TTL: variants seen among roughly 807,000 people sequenced by gnomAD.
TTL encodes the protein tubulin tyrosine ligase.
A neutral mutation model predicts 41.1 loss-of-function variants in TTL; 10 were observed. That is an observed-to-expected ratio of 0.24 (90% CI 0.15 to 0.41). The LOEUF (loss-of-function observed/expected upper bound fraction) is 0.41, where lower values mean the gene tolerates loss of function less well. Ranked by LOEUF, TTL falls within the 10% of genes least tolerant of loss-of-function variation. The pLI is 1.00. For missense variants in TTL, 367 were observed against 460.4 expected (o/e 0.80, Z 1.86); for synonymous variants, 175 against 175.5 (o/e 1.00, Z 0.02).
intron 5 of TTL, among the ~76,000 whole-genome samples, chr2:112,512,517 C>T (rs1559016976): frequency 6.6e-6 from 1 of 152,128 alleles, no homozygotes; most frequent in African/African-American, 2.4e-5. Flanking sequence ...CCACCTCGGC[C>T]TCCCAAAGTG....
chr2:112,494,521 T>C, intron 3 of TTL, 146 bp downstream of exon 3: 1 of 656,356 alleles, frequency 1.5e-6, no homozygotes, highest in Non-Finnish European at 2.6e-6. Context: ...TATGTACTGA[T>C]GCCTTCTAAA....
chr2:112,526,097 T>C (rs1682365739), intron 6 of TTL, among the ~76,000 whole-genome samples: 1 of 152,248 alleles, frequency 6.6e-6, no homozygotes, highest in South Asian at 2.1e-4. Flanking sequence ...TTTATTGATT[T>C]GCATATGTTG....
chr2:112,510,585 C>A (rs1681896175), intron 5 of TTL, among the ~76,000 whole-genome samples: 1 of 151,472 alleles, frequency 6.6e-6, no homozygotes, highest in Non-Finnish European at 1.5e-5. Context: ...GATTCTCCTG[C>A]CTCAGCCTCC....
In TTL at chr2:112,482,653, A is replaced by C; in HGVS notation, c.157+152A>C. 1 of 916,238 alleles carries C rather than the reference A, an allele frequency of 1.1e-6. No homozygotes were observed. Among genetic ancestry groups the C allele is most frequent in the Non-Finnish European group, 1.6e-6 (1 of 643,272 alleles). 56.8% of individuals were successfully genotyped at this position (916,238 alleles called of 1,614,324 possible). A position where few individuals can be genotyped will look rare whatever the true frequency, so the allele number is the denominator to read the frequency against. On this transcript the variant is annotated intron_variant, in intron 1 of 6. Transcript: ENST00000233336. The surrounding 1 kb of genome is among the most constrained non-coding windows in gnomAD (Gnocchi z 5.3). ...ATCAGAAACGGATTCGGAAAGATCG[A>C]AACCTGTCGTTTTTAATGCTTTCTT...
chr2:112,483,870 G>A (rs1348621699), intron 1 of TTL: 4 of 152,236 alleles, frequency 2.6e-5, no homozygotes. Context: ...ACTGTGCCTG[G>A]AGGCTCCCTT....
chr2:112,485,877 G>GGGGCTGACATTGCCATTCCCCACC, intron 1 of TTL, 40 bp from the exon 2 acceptor site: 1 of 1,566,246 alleles, frequency 6.4e-7, no homozygotes, highest in African/African-American at 1.4e-5. Context: ...CCTGCTTGCT[G>GGGGCTGACATTGCCATTCCCCACC]TGTCCTGTGT....
At chr2:112,526,839 G>T (rs1682386440) in intron 6 of TTL, among the ~76,000 whole-genome samples, 2 of 152,082 alleles carry the variant, frequency 1.3e-5, no homozygotes, top group South Asian at 4.2e-4. Flanking sequence ...GCTTTTGAAT[G>T]TGTTTGCTCT....
Position 112,499,214 on chromosome 2 carries a change from C to T in TTL, c.470-1992C>T, listed in dbSNP as rs556250655. 3.3e-5 allele frequency among the ~76,000 whole-genome samples: 5 copies of T among 152,138 alleles called. No homozygotes were observed. In the East Asian group the frequency reaches 9.7e-4, roughly 29 times the overall value. ...CCTGTACTTTCAGCTACTCGGGAGG[C>T]TGAGGCATGAGAATTGCTTGAACCA... On this transcript the variant is annotated intron_variant, in intron 3 of 6. Coordinates refer to ENST00000233336, the MANE Select transcript of TTL (RefSeq NM_153712.5).
Position 112,513,495 on chromosome 2 carries a change from G to A in TTL, c.876-6787G>A, listed in dbSNP as rs538683938. On this transcript the variant is annotated intron_variant, in intron 5 of 6. Coordinates refer to ENST00000233336, the MANE Select transcript of TTL (RefSeq NM_153712.5). ...GTTTTGCTGCTGATAAATCCTCTTA[G>A]TTTTCTGTCATCTGAGAATGTGTTT... Among the ~76,000 whole-genome samples the A allele has an allele frequency of 3.3e-5, 5 of 151,386 alleles. No homozygotes were observed. The East Asian group carries it at 9.7e-4, about 29-fold the overall frequency.
Position 112,536,931 on chromosome 2 carries a change from T to G in TTL, c.*8136T>G, listed in dbSNP as rs1174317268. ...TTTTCTTTATCCAATCCACTGTTGA[T>G]GGGCACCTAGGTTGATTCCATGTCT... On this transcript the variant is annotated 3_prime_UTR_variant, in exon 7 of 7. Transcript: ENST00000233336. 1 of 152,280 alleles carries G rather than the reference T, an allele frequency of 6.6e-6. No individual in the cohort carries two copies. Among genetic ancestry groups the G allele is most frequent in the Non-Finnish European group, 1.5e-5 (1 of 68,052 alleles). 9.4% of individuals were successfully genotyped at this position (152,280 alleles called of 1,614,324 possible). A position where few individuals can be genotyped will look rare whatever the true frequency, so the allele number is the denominator to read the frequency against.
rs375376633 is a variant in TTL at position 112,528,768 on chromosome 2, C to A, written c.1107C>A (p.Thr369=). 102 of 1,613,974 alleles carry A rather than the reference C, an allele frequency of 6.3e-5. No homozygotes were observed. In the African/African-American group the frequency reaches 1.2e-3, roughly 19 times the overall value. ...CCCCAGATGTGGAGCAACCTCAGAC[C>A]CAGCCAGCTGCCTTCATCAAGCTGT... ...FPPPDVEQPQ[T]QPAAFIKL Residue 369 remains threonine (T), a synonymous_variant, in exon 7 of 7, where the codon ACC becomes ACA. Transcript: ENST00000233336.
At chr2:112,498,419 T>C (rs966444241) in intron 3 of TTL, among the ~76,000 whole-genome samples, 1 of 152,096 alleles carries the variant, frequency 6.6e-6, no homozygotes, top group Non-Finnish European at 1.5e-5. Context: ...AGGCTCTGTG[T>C]GCTAAAAATA....
chr2:112,499,820 A>T (rs1297658677), intron 3 of TTL, among the ~76,000 whole-genome samples: 1 of 152,136 alleles, frequency 6.6e-6, no homozygotes, highest in Non-Finnish European at 1.5e-5. Flanking sequence ...AAACAGTAAG[A>T]CCCCAGCTCT....
At chr2:112,486,137 G>A (rs74459733) in intron 2 of TTL, 142 bp downstream of exon 2, 839 of 785,834 alleles carry the variant, frequency 1.1e-3, no homozygotes, top group Middle Eastern at 2.2e-3. Context: ...AGCCGCTTTG[G>A]TTGCGGTCCA....
chr2:112,524,307 C>A (rs1175867834), intron 6 of TTL, among the ~76,000 whole-genome samples: 1 of 152,152 alleles, frequency 6.6e-6, no homozygotes, highest in Non-Finnish European at 1.5e-5. Context: ...TGGGTATATA[C>A]CCAGTAATGG....
rs746258276 is a variant in TTL at position 112,503,208 on chromosome 2, A to G, written c.875+27A>G. 6 of 1,537,464 alleles carry G rather than the reference A, an allele frequency of 3.9e-6. No homozygotes were observed. The Admixed American group carries it at 1.1e-4, about 29-fold the overall frequency. ...TAACTTAATTGTATCTTTTTGGATT[A>G]CGTGTTTCTTCTTGAAGGAGCTTTG... On this transcript the variant is annotated intron_variant, in intron 5 of 6. Transcript: ENST00000233336.
At chr2:112,495,122 C>T (rs1681492672) in intron 3 of TTL, among the ~76,000 whole-genome samples, 1 of 152,208 alleles carries the variant, frequency 6.6e-6, no homozygotes, top group Non-Finnish European at 1.5e-5. Flanking sequence ...GACACAAAGA[C>T]TGCCTAGTAT....
At chr2:112,511,720 A>G (rs542792213) in intron 5 of TTL, among the ~76,000 whole-genome samples, 114 of 149,138 alleles carry the variant, frequency 7.6e-4, no homozygotes, top group African/African-American at 2.6e-3. Context: ...ACATGCTATC[A>G]TGCCCGGCTA....
In TTL at chr2:112,529,477, C is replaced by T. The variant is rs145540721; in HGVS notation, c.*682C>T. ...CCTGAACCTGTAAGCATCAAATAAG[C>T]ATGAGAGAGAAAAAAACATGATATA... On this transcript the variant is annotated 3_prime_UTR_variant, in exon 7 of 7. Coordinates refer to ENST00000233336, the MANE Select transcript of TTL (RefSeq NM_153712.5). The T allele has an allele frequency of 1.8e-5, 4 of 227,322 alleles. No individual in the cohort carries two copies. Among genetic ancestry groups the T allele is most frequent in the Non-Finnish European group, 2.6e-5 (3 of 114,148 alleles). 14.1% of individuals were successfully genotyped at this position (227,322 alleles called of 1,614,324 possible).
Sources: gnomAD v4.1 joint callset for allele counts (sites outside exome capture counted in the v4.1 genomes callset) on GRCh38, gnomAD v4.1.1 for gene constraint, Gnocchi (gnomAD v3.1) non-coding constraint, MANE v1.5 for transcripts, NCBI Gene and HGNC (gene_info 2026-07-23, HGNC 2026-07-21) for gene names.